Variants in NPL observed in about 807,000 individuals in gnomAD.
NPL encodes the protein N-acetylneuraminate pyruvate lyase.
In NPL, 32 loss-of-function variants were observed where a neutral mutation model predicts 41.1. The ratio of observed to expected loss-of-function variants is 0.78; its 90% CI spans 0.59 to 1.05. The LOEUF (loss-of-function observed/expected upper bound fraction) is 1.05. NPL is among the 50% of genes least tolerant of loss of function. NPL has a pLI of 0.00. For synonymous variants in NPL, 128 were observed against 134.9 expected, an observed-to-expected ratio of 0.95 and a Z score of 0.35; for missense variants, 321 against 378.4, an observed-to-expected ratio of 0.85 and a Z score of 1.26.
Position 182,829,781 on chromosome 1 carries a change from C to A in NPL, c.*873C>A. ...TAATGTTATTATCCTGTCACACTTG[C>A]AACTAGTGACTTTTGTTTAGTGATA... On this transcript the variant is annotated 3_prime_UTR_variant, in exon 13 of 13. Coordinates refer to ENST00000367553, the MANE Select transcript of NPL (RefSeq NM_030769.3). 1.3e-6 allele frequency: 1 copy of A among 741,820 alleles called. No individual in the cohort carries two copies. Among genetic ancestry groups the A allele is most frequent in the Non-Finnish European group, 2.3e-6 (1 of 438,530 alleles). 46.0% of individuals were successfully genotyped at this position (741,820 alleles called of 1,614,324 possible). A position where few individuals can be genotyped will look rare whatever the true frequency, so the allele number is the denominator to read the frequency against.
chr1:182,803,983 A>G (rs948926992), intron 4 of NPL, among the ~76,000 whole-genome samples: 1 of 152,236 alleles, frequency 6.6e-6, no homozygotes, highest in South Asian at 2.1e-4. Flanking sequence ...TAGTGTGCCA[A>G]CACTTAAGGT....
rs1370106919 is a variant in NPL, at chr1:182,827,678, A to G, written c.779-1046A>G. On this transcript the variant is annotated intron_variant, in intron 12 of 12. Coordinates refer to ENST00000367553, the MANE Select transcript of NPL (RefSeq NM_030769.3). ...TACTGTTCTTTACTTCTCTTAGCCT[A>G]TGGCTTCTATTCCTTCTTTTATCTC... 4.0e-5 allele frequency among the ~76,000 whole-genome samples: 6 copies of G among 151,840 alleles called. No individual in the cohort carries two copies. In the South Asian group the frequency reaches 1.2e-3, roughly 32 times the overall value.
At chr1:182,812,969 A>G (rs1339323709) in intron 6 of NPL, among the ~76,000 whole-genome samples, 1 of 152,070 alleles carries the variant, frequency 6.6e-6, no homozygotes. Flanking sequence ...CCTGACCAAT[A>G]TGGTGAAACC....
chr1:182,816,256 C>G (rs1439546948), intron 7 of NPL, among the ~76,000 whole-genome samples: 2 of 152,198 alleles, frequency 1.3e-5, no homozygotes, highest in Non-Finnish European at 2.9e-5. Context: ...CAAAATGTGC[C>G]ACTACTGCTA....
In NPL at chr1:182,803,755, A is replaced by G; in HGVS notation, c.126A>G (p.Gly42=). 6.2e-7 allele frequency: 1 copy of G among 1,612,350 alleles called. No homozygotes were observed. Among genetic ancestry groups the G allele is most frequent in the Non-Finnish European group, 8.5e-7 (1 of 1,178,368 alleles). ...TGGATTATCTTGTGAAAGAACAGGG[A>G]GTGAAGAACATTTTTGGTAAGTCAA... ...QYVDYLVKEQ[G]VKNIFVNGTT... Residue 42 remains glycine (G), a synonymous_variant, in exon 4 of 13, where the codon GGA becomes GGG. Transcript: ENST00000367553.
At chr1:182,818,356 AAGTTT>A (rs1261467619) in intron 8 of NPL, among the ~76,000 whole-genome samples, 180 bp from the exon 9 acceptor site, 1 of 152,178 alleles carries the variant, frequency 6.6e-6, no homozygotes, top group Non-Finnish European at 1.5e-5. Flanking sequence ...AAGGAATGGG[AAGTTT>A]AGCATTATAA....
chr1:182,821,183 AG>A (rs1387819178), intron 10 of NPL, among the ~76,000 whole-genome samples: 2 of 152,236 alleles, frequency 1.3e-5, no homozygotes, highest in African/African-American at 4.8e-5. Flanking sequence ...TATATATACA[AG>A]TCCAACAACA....
In NPL at chr1:182,828,900, G is replaced by C; in HGVS notation, c.955G>C (p.Gly319Arg). The C allele has an allele frequency of 6.2e-7, 1 of 1,614,150 alleles. No homozygotes were observed. Among genetic ancestry groups the C allele is most frequent in the South Asian group, 1.1e-5 (1 of 91,078 alleles). Residue 319 changes from glycine (G) to arginine (R), a missense_variant, in exon 13 of 13, where the codon GGT becomes CGT. Physicochemically the swap from Gly to Arg is moderately radical, Grantham distance 125. Coordinates refer to ENST00000367553, the MANE Select transcript of NPL (RefSeq NM_030769.3). The surrounding 1 kb of genome is among the most constrained non-coding windows in gnomAD (Gnocchi z 4.0). ...TTTAAAGGATGGAAACTTGGAAGCTGGTAGCTAGTGCCTCTCTATCAAATC... is the reference window on the plus strand; with the variant it reads ...TTTAAAGGATGGAAACTTGGAAGCTCGTAGCTAGTGCCTCTCTATCAAATC... ...TDLKDGNLEA[G>R]S
chr1:182,812,573 G>C (rs1049028689), intron 6 of NPL, among the ~76,000 whole-genome samples: 1 of 152,150 alleles, frequency 6.6e-6, no homozygotes, highest in Admixed American at 6.6e-5. Context: ...TAGAGTAAAG[G>C]CTTGAAGAAT....
At chr1:182,820,726 G>A (rs1441487761) in intron 10 of NPL, among the ~76,000 whole-genome samples, 2 of 152,088 alleles carry the variant, frequency 1.3e-5, no homozygotes, top group East Asian at 3.9e-4. Flanking sequence ...GATCTCACGA[G>A]AACTCACTAT....
intron 3 of NPL, among the ~76,000 whole-genome samples, chr1:182,798,936 TGA>T (rs1666754304): frequency 6.6e-6 from 1 of 152,228 alleles, no homozygotes; most frequent in South Asian, 2.1e-4. Flanking sequence ...GATTGAATGC[TGA>T]GAGATATGTA....
At chr1:182,810,949 C>CT (rs757933863) in intron 5 of NPL, among the ~76,000 whole-genome samples, 2 of 152,128 alleles carry the variant, frequency 1.3e-5, no homozygotes, top group African/African-American at 2.4e-5. Flanking sequence ...GCTCAAGACT[C>CT]TAACTCTGGG....
At chr1:182,795,100 CA>C (rs141421254) in intron 3 of NPL, among the ~76,000 whole-genome samples, 2,171 of 152,180 alleles carry the variant, frequency 0.014, 57 homozygotes, top group African/African-American at 0.05. Flanking sequence ...AATCAGATAA[CA>C]AAAAGGCCCT....
chr1:182,808,779 A>G (rs1462640247), intron 5 of NPL, among the ~76,000 whole-genome samples: 1 of 151,798 alleles, frequency 6.6e-6, no homozygotes, highest in Non-Finnish European at 1.5e-5. Context: ...ACATACAGAG[A>G]CCCTGTCTCT....
At chr1:182,792,136 T>TGAACA in intron 1 of NPL, 96 bp from the exon 2 acceptor site, 1 of 152,368 alleles carries the variant, frequency 6.6e-6, no homozygotes, top group African/African-American at 2.4e-5. Flanking sequence ...ACGTACTCAC[T>TGAACA]ATGTGCCTAG....
chr1:182,814,894 T>G, intron 7 of NPL, 36 bp downstream of exon 7: 1 of 1,492,744 alleles, frequency 6.7e-7, no homozygotes, highest in Non-Finnish European at 9.3e-7. Context: ...GCATCTCACA[T>G]GGTCCACTTC....
chr1:182,806,596 C>A, intron 5 of NPL: 1 of 1,503,216 alleles, frequency 6.7e-7, no homozygotes. Context: ...CAACTCACAC[C>A]CCTTCCCTTC....
chr1:182,815,697 G>C (rs1667307539), intron 7 of NPL, among the ~76,000 whole-genome samples: 1 of 152,124 alleles, frequency 6.6e-6, no homozygotes, highest in Non-Finnish European at 1.5e-5. Context: ...TCAAACTCCT[G>C]GGCTCAAGCA....
chr1:182,790,613 T>TTTGTTGTTGTTG (rs148847511), intron 1 of NPL, among the ~76,000 whole-genome samples: 58 of 150,480 alleles, frequency 3.9e-4, no homozygotes, highest in Non-Finnish European at 4.6e-4. Context: ...GTTAAAGTCT[T>TTTGTTGTTGTTG]TTGTTGTTGT....
Sources: allele counts gnomAD v4.1 joint callset (sites outside exome capture counted in the v4.1 genomes callset), GRCh38; gene constraint gnomAD v4.1.1; non-coding constraint Gnocchi (gnomAD v3.1); transcripts MANE v1.5; gene names NCBI Gene and HGNC (gene_info 2026-07-23, HGNC 2026-07-21).